GPHN: variants seen among roughly 807,000 people sequenced by gnomAD.
GPHN encodes the protein gephyrin.
GPHN carries 17 observed loss-of-function variants against 95.5 expected under a neutral mutation model. That is an observed-to-expected ratio of 0.18 (90% CI 0.12 to 0.27). The LOEUF (loss-of-function observed/expected upper bound fraction) is 0.27. Ranked by LOEUF, GPHN falls within the 10% of genes least tolerant of loss-of-function variation. The probability of loss-of-function intolerance (pLI) is 1.00; values close to 1 mark genes in which losing one functional copy is unlikely to be tolerated. For synonymous variants in GPHN, 320 were observed against 322.5 expected, an observed-to-expected ratio of 0.99 and a Z score of 0.08; for missense variants, 660 against 978.1, an observed-to-expected ratio of 0.67 and a Z score of 4.34.
rs192520336 is a variant in GPHN at position 66,853,650 on chromosome 14, A to G, written c.295-26289A>G. 8.3e-4 allele frequency among the ~76,000 whole-genome samples: 127 copies of G among 152,320 alleles called. 5 individuals carry two copies. Among genetic ancestry groups the G allele is most frequent in the Admixed American group, 3.9e-4 (6 of 15,300 alleles). On this transcript the variant is annotated intron_variant, in intron 4 of 22. Coordinates refer to ENST00000478722, the MANE Select transcript of GPHN (RefSeq NM_020806.5). ...ATGGGGGAAGCACCCCCATGATTCAATTATCTCCACCTGGCCCCGCCCAGG... is the reference window on the plus strand; with the variant it reads ...ATGGGGGAAGCACCCCCATGATTCAGTTATCTCCACCTGGCCCCGCCCAGG...
At chr14:67,115,728 C>T (rs1169245644) in intron 16 of GPHN, among the ~76,000 whole-genome samples, 2 of 150,222 alleles carry the variant, frequency 1.3e-5, no homozygotes, top group East Asian at 3.9e-4. Context: ...GAGAGAGACT[C>T]CATCTCAAAA....
At chr14:67,662,955 T>TCACCACTCC in the GPHN span, 1 of 1,189,304 alleles carries the variant, frequency 8.4e-7, no homozygotes, top group African/African-American at 1.7e-5. Context: ...CTGAAACCCC[T>TCACCACTCC]CACCACTCCC....
At chr14:67,568,081 C>T in the GPHN span, among the ~76,000 whole-genome samples, 25 of 152,264 alleles carry the variant, frequency 1.6e-4, no homozygotes, top group Middle Eastern at 0.017. Flanking sequence ...TGTAGATTGG[C>T]CCTGAAGCCT....
chr14:66,980,354 TATC>T (rs1195225594), intron 9 of GPHN, among the ~76,000 whole-genome samples: 1 of 152,236 alleles, frequency 6.6e-6, no homozygotes, highest in African/African-American at 2.4e-5. Flanking sequence ...TAGAAAATTT[TATC>T]ATATTTCAGT....
intron 1 of GPHN, among the ~76,000 whole-genome samples, chr14:66,517,481 CA>C (rs2058296785): frequency 1.3e-5 from 2 of 151,998 alleles, no homozygotes; most frequent in African/African-American, 4.8e-5. Context: ...CTGGAATAGC[CA>C]AAGCAATCCT....
intron 2 of GPHN, among the ~76,000 whole-genome samples, chr14:66,758,245 A>G (rs914607203): frequency 6.6e-6 from 1 of 152,228 alleles, no homozygotes; most frequent in Non-Finnish European, 1.5e-5. Context: ...CTTGGCTTTC[A>G]GGCTTTAAAC....
At chr14:66,880,865 C>T (rs892174359) in intron 5 of GPHN, among the ~76,000 whole-genome samples, 6 of 151,924 alleles carry the variant, frequency 3.9e-5, no homozygotes, top group African/African-American at 9.7e-5. Flanking sequence ...AGGACAATTA[C>T]ATCACTTAAG....
the GPHN span, among the ~76,000 whole-genome samples, chr14:67,560,334 C>T: frequency 1.3e-5 from 2 of 152,198 alleles, no homozygotes; most frequent in Non-Finnish European, 2.9e-5. Context: ...GCTACTTTCT[C>T]TTCCATCCTC....
chr14:67,205,085 A>G, the GPHN span: 1 of 1,549,204 alleles, frequency 6.5e-7, no homozygotes, highest in East Asian at 2.4e-5. Context: ...AAGCAAGAGG[A>G]GAAGGTATGT....
chr14:67,005,853 A>G (rs747172408), intron 9 of GPHN, among the ~76,000 whole-genome samples: 2 of 151,796 alleles, frequency 1.3e-5, no homozygotes, highest in Non-Finnish European at 2.9e-5. Context: ...TTATTTTACA[A>G]TAAAACAGTT....
At chr14:66,610,707 C>T (rs1241094865) in intron 1 of GPHN, among the ~76,000 whole-genome samples, 1 of 152,090 alleles carries the variant, frequency 6.6e-6, no homozygotes, top group African/African-American at 2.4e-5. Flanking sequence ...GATGTAAGGA[C>T]CACTGACATG....
the GPHN span, chr14:67,279,737 A>AC: frequency 2.2e-6 from 1 of 451,402 alleles, no homozygotes; most frequent in Non-Finnish European, 3.8e-6. Context: ...ATGTGGCTTA[A>AC]ATGTTAAGTC....
chr14:67,634,157 A>T, the GPHN span, among the ~76,000 whole-genome samples: 1 of 152,060 alleles, frequency 6.6e-6, no homozygotes, highest in Non-Finnish European at 1.5e-5. Context: ...TCACATCACA[A>T]CCCTTGATGA....
At chr14:67,668,751 A>G in the GPHN span, among the ~76,000 whole-genome samples, 1 of 152,202 alleles carries the variant, frequency 6.6e-6, no homozygotes. Flanking sequence ...GTGAAAACAC[A>G]CTGCTTGTTA....
intron 1 of GPHN, among the ~76,000 whole-genome samples, chr14:66,567,168 G>A (rs549422464): frequency 5.3e-5 from 8 of 152,232 alleles, no homozygotes; most frequent in South Asian, 2.1e-4. Flanking sequence ...AGCAGGTACC[G>A]GAGCCAAATC....
chr14:67,677,706 T>C, the GPHN span: 11,285 of 152,272 alleles, frequency 0.074, 552 homozygotes, highest in Middle Eastern at 0.15. Flanking sequence ...TCTCTGATTA[T>C]TGTGGCTGTT....
the GPHN span, among the ~76,000 whole-genome samples, chr14:67,288,622 T>C: frequency 6.6e-6 from 1 of 152,252 alleles, no homozygotes; most frequent in Non-Finnish European, 1.5e-5. Flanking sequence ...AATTTCTTTT[T>C]CTTATAAGAT....
chr14:67,251,008 A>T, the GPHN span, among the ~76,000 whole-genome samples: 1 of 152,142 alleles, frequency 6.6e-6, no homozygotes, highest in Admixed American at 6.5e-5. Context: ...CTTTGTCAGC[A>T]TTCTTCTTTT....
chr14:67,340,148 T>G, the GPHN span: 7 of 287,146 alleles, frequency 2.4e-5, no homozygotes, highest in Admixed American at 3.0e-4. Context: ...CTTTCCCCAC[T>G]TTTCACTACT....
Sources: allele counts gnomAD v4.1 joint callset (sites outside exome capture counted in the v4.1 genomes callset), GRCh38; gene constraint gnomAD v4.1.1; transcripts MANE v1.5; gene names NCBI Gene and HGNC (gene_info 2026-07-23, HGNC 2026-07-21).